The following TASP1 variants were observed in gnomAD, a reference collection of about 807,000 sequenced individuals.
The protein encoded by TASP1 is threonine aspartase 1.
TASP1 carries 16 observed loss-of-function variants against 56.6 expected under a neutral mutation model. The ratio of observed to expected loss-of-function variants is 0.28; its 90% CI spans 0.19 to 0.43. TASP1 has a LOEUF of 0.43. Among genes scored for constraint, TASP1 ranks in the 20% least tolerant of loss-of-function variants. The pLI, the probability that TASP1 is intolerant of heterozygous loss-of-function variation, is 1.00. For synonymous variants in TASP1, 179 were observed against 184.2 expected (o/e 0.97, Z 0.23); for missense variants, 393 against 511.6 (o/e 0.77, Z 2.24).
At chr20:13,185,900 A>G in the TASP1 span, among the ~76,000 whole-genome samples, 153 of 152,352 alleles carry the variant, frequency 1.0e-3, no homozygotes, top group African/African-American at 3.6e-3. Flanking sequence ...ATGTCTGAAC[A>G]AACTGAAAAT....
chr20:13,417,190 G>A (rs2042285219), intron 13 of TASP1, among the ~76,000 whole-genome samples: 1 of 152,140 alleles, frequency 6.6e-6, no homozygotes, highest in African/African-American at 2.4e-5. Context: ...GGGCAAAAAG[G>A]AACAAGCTGG....
chr20:13,496,302 G>A (rs1047805686), intron 10 of TASP1, among the ~76,000 whole-genome samples: 8 of 152,044 alleles, frequency 5.3e-5, no homozygotes, highest in East Asian at 1.9e-4. Flanking sequence ...TGATCCACCC[G>A]CCTTGGCCTC....
At chr20:13,459,959 T>G (rs1208440723) in intron 11 of TASP1, among the ~76,000 whole-genome samples, 1 of 152,156 alleles carries the variant, frequency 6.6e-6, no homozygotes, top group Non-Finnish European at 1.5e-5. Context: ...ACATACACAT[T>G]TGTCTTCTAT....
At chr20:13,587,443 T>A in intron 4 of TASP1, 73 bp from the exon 5 acceptor site, 1 of 1,325,812 alleles carries the variant, frequency 7.5e-7, no homozygotes, top group Non-Finnish European at 1.0e-6. Context: ...TTCATGAAAT[T>A]TTCTAAAAGC....
the TASP1 span, among the ~76,000 whole-genome samples, chr20:13,308,008 T>C: frequency 6.6e-6 from 1 of 152,202 alleles, no homozygotes; most frequent in African/African-American, 2.4e-5. Flanking sequence ...TCCAAAGTGG[T>C]TGTCCTGGTG....
chr20:13,125,883 C>T, the TASP1 span, among the ~76,000 whole-genome samples: 3 of 152,190 alleles, frequency 2.0e-5, no homozygotes, highest in African/African-American at 4.8e-5. Flanking sequence ...GAAGCAACTG[C>T]GAAGTTGGAT....
chr20:13,236,860 C>G, the TASP1 span, among the ~76,000 whole-genome samples: 1 of 152,336 alleles, frequency 6.6e-6, no homozygotes, highest in East Asian at 1.9e-4. Flanking sequence ...TGGTCTTGGG[C>G]AGCTCTGCCC....
At chr20:13,444,944 T>C (rs892619529) in intron 11 of TASP1, among the ~76,000 whole-genome samples, 3 of 152,164 alleles carry the variant, frequency 2.0e-5, no homozygotes, top group Non-Finnish European at 2.9e-5. Context: ...TGTGTGCCAT[T>C]TTCTGGTGAT....
intron 6 of TASP1, among the ~76,000 whole-genome samples, chr20:13,571,543 C>A (rs776027771): frequency 4.6e-5 from 7 of 152,206 alleles, no homozygotes; most frequent in Non-Finnish European, 1.0e-4. Flanking sequence ...CCACCTTGGT[C>A]TGAGCCACCA....
the TASP1 span, among the ~76,000 whole-genome samples, chr20:13,345,927 A>T: frequency 2.4e-5 from 3 of 124,070 alleles, no homozygotes; most frequent in African/African-American, 1.5e-4. Context: ...AAAAAAAAAA[A>T]AAAAAAAAAA....
the TASP1 span, among the ~76,000 whole-genome samples, chr20:13,321,883 T>A: frequency 6.6e-6 from 1 of 152,218 alleles, no homozygotes; most frequent in Non-Finnish European, 1.5e-5. Flanking sequence ...GACTCCCTAA[T>A]TGGCTGCATG....
At chr20:13,419,114 G>A (rs1461573413) in intron 12 of TASP1, among the ~76,000 whole-genome samples, 2 of 152,184 alleles carry the variant, frequency 1.3e-5, no homozygotes, top group Non-Finnish European at 2.9e-5. Flanking sequence ...AATACTAAAA[G>A]CCATGACTTT....
intron 10 of TASP1, among the ~76,000 whole-genome samples, chr20:13,499,775 A>G (rs1032218207): frequency 3.9e-5 from 6 of 152,276 alleles, no homozygotes; most frequent in African/African-American, 7.2e-5. Flanking sequence ...AGTATATATA[A>G]ACCATGGAAT....
At chr20:13,629,084 G>A (rs952683320) in intron 2 of TASP1, among the ~76,000 whole-genome samples, 1 of 152,114 alleles carries the variant, frequency 6.6e-6, no homozygotes, top group Non-Finnish European at 1.5e-5. Flanking sequence ...TAAGAGGGTG[G>A]GCCGGGTGTG....
At chr20:13,374,575 C>G in the TASP1 span, among the ~76,000 whole-genome samples, 9 of 152,108 alleles carry the variant, frequency 5.9e-5, no homozygotes, top group African/African-American at 1.9e-4. Flanking sequence ...GTCTCGATCT[C>G]CTGACCTTGT....
the TASP1 span, chr20:13,279,766 G>A: frequency 2.5e-6 from 4 of 1,613,916 alleles, no homozygotes; most frequent in Non-Finnish European, 3.4e-6. Context: ...CTTGGCCAGG[G>A]CAAACAGCGG....
intron 11 of TASP1, among the ~76,000 whole-genome samples, chr20:13,474,157 T>G (rs1350039683): frequency 1.3e-5 from 2 of 152,182 alleles, no homozygotes; most frequent in African/African-American, 4.8e-5. Flanking sequence ...TTTGGAATGG[T>G]TTTGGGTTTC....
chr20:13,466,486 C>A (rs2044264275), intron 11 of TASP1, among the ~76,000 whole-genome samples: 1 of 152,140 alleles, frequency 6.6e-6, no homozygotes, highest in African/African-American at 2.4e-5. Flanking sequence ...GTGGCTTGTG[C>A]CTGTAATCCC....
At chr20:13,350,791 A>T in the TASP1 span, among the ~76,000 whole-genome samples, 135 of 152,174 alleles carry the variant, frequency 8.9e-4, no homozygotes, top group Non-Finnish European at 1.3e-3. Context: ...TGCTAGGCAC[A>T]TGAGATTCTC....
Sources: allele counts gnomAD v4.1 joint callset (sites outside exome capture counted in the v4.1 genomes callset), GRCh38; gene constraint gnomAD v4.1.1; transcripts MANE v1.5; gene names NCBI Gene and HGNC (gene_info 2026-07-23, HGNC 2026-07-21).